Variants in NRG2 observed in about 807,000 individuals in gnomAD.
The protein encoded by NRG2 is neuregulin 2, also known as pro-neuregulin-2, membrane-bound isoform.
NRG2 carries 27 observed loss-of-function variants against 73.9 expected under a neutral mutation model. The ratio of observed to expected loss-of-function variants is 0.37; its 90% CI spans 0.27 to 0.50. NRG2 has a LOEUF of 0.50. NRG2 is among the 20% of genes least tolerant of loss of function. The pLI, the probability that NRG2 is intolerant of heterozygous loss-of-function variation, is 0.96. For missense variants in NRG2, 1,126 were observed against 1,210.1 expected (o/e 0.93, Z 1.03); for synonymous variants, 532 against 541.0 (o/e 0.98, Z 0.23).
intron 1 of NRG2, among the ~76,000 whole-genome samples, chr5:140,023,052 T>C (rs368625730): frequency 9.9e-5 from 15 of 152,188 alleles, no homozygotes; most frequent in Non-Finnish European, 1.6e-4. Flanking sequence ...AACCCCCTCA[T>C]TGATCTCCAG....
At chr5:139,871,679 A>G in intron 4 of NRG2, 42 bp downstream of exon 4, 1 of 1,611,198 alleles carries the variant, frequency 6.2e-7, no homozygotes, top group Non-Finnish European at 8.5e-7. Context: ...AGCATCTCCT[A>G]CCCTGTTCTT....
intron 1 of NRG2, among the ~76,000 whole-genome samples, chr5:139,977,460 T>C (rs1405340732): frequency 6.6e-6 from 1 of 152,132 alleles, no homozygotes; most frequent in East Asian, 1.9e-4. Flanking sequence ...GACAATGGGA[T>C]TGGCAGGCGT....
intron 1 of NRG2, among the ~76,000 whole-genome samples, chr5:140,002,337 G>C (rs995477129): frequency 6.6e-6 from 1 of 152,148 alleles, no homozygotes; most frequent in African/African-American, 2.4e-5. Context: ...ATAATGATAA[G>C]AGCTGAGGTG....
chr5:139,935,673 A>C (rs1364076130), intron 1 of NRG2, among the ~76,000 whole-genome samples: 1 of 152,184 alleles, frequency 6.6e-6, no homozygotes, highest in African/African-American at 2.4e-5. Flanking sequence ...TCAAATGAAA[A>C]TAAAGGCTGG....
intron 5 of NRG2, among the ~76,000 whole-genome samples, chr5:139,864,168 TG>T (rs1407476609): frequency 2.0e-5 from 3 of 151,962 alleles, no homozygotes; most frequent in Non-Finnish European, 4.4e-5. Context: ...CTCTGCAGGA[TG>T]GGATGGGTAA....
At chr5:139,848,779 G>GGGGGGTC in intron 9 of NRG2, 82 bp from the exon 10 acceptor site, 1 of 198,602 alleles carries the variant, frequency 5.0e-6, no homozygotes, top group East Asian at 2.0e-4. Context: ...GGTAGGGTGG[G>GGGGGGTC]AGGGGCGGAC....
chr5:139,982,809 C>G (rs1380697021), intron 1 of NRG2, among the ~76,000 whole-genome samples: 4 of 152,214 alleles, frequency 2.6e-5, no homozygotes, highest in Non-Finnish European at 4.4e-5. Flanking sequence ...GTGTCGTACT[C>G]TTAGCTGGCT....
Position 139,871,788 on chromosome 5 carries a change from C to G in NRG2, c.1045G>C (p.Ala349Pro). Reference sequence around the variant, plus strand: ...CCTCCATTGACGCAATAGGACTTGGCTGTCTCGTTGCACTTCCGGGCGTGC... The same window carrying G: ...CCTCCATTGACGCAATAGGACTTGGGTGTCTCGTTGCACTTCCGGGCGTGC... ...SGHARKCNET[A>P]KSYCVNGGVC... is the part of the protein sequence containing the mutation. The change falls in exon 4 of 10, where the codon GCC becomes CCC. Residue 349 changes from alanine (A) to proline (P), a missense_variant. Ala to Pro is a conservative substitution (Grantham distance 27). This residue lies in a region of NRG2 where 539 missense variants were observed against 703.2 expected (regional missense o/e 0.77). Transcript: ENST00000361474. 1 of 1,614,146 alleles carries G rather than the reference C, an allele frequency of 6.2e-7. No homozygotes were observed. The highest frequency in any genetic ancestry group is 8.5e-7 in the Non-Finnish European group (1 of 1,180,012).
In NRG2 at chr5:139,848,369, G is replaced by A; in HGVS notation, c.2101C>T (p.Pro701Ser). ...CALGGSLGSL[P>S]ASPFRIPEDD... ...TCGGGGATGCGGAAGGGGCTGGCAG[G>A]CAGGCTGCCCAGGCTGCCGCCGAGC... Residue 701 changes from proline (P) to serine (S), a missense_variant, in exon 10 of 10, where the codon CCT (proline) becomes TCT (serine). Coordinates refer to ENST00000361474, the MANE Select transcript of NRG2 (RefSeq NM_004883.3). 2 of 1,239,952 alleles carry A rather than the reference G, an allele frequency of 1.6e-6. No homozygotes were observed. Among genetic ancestry groups the A allele is most frequent in the Non-Finnish European group, 2.0e-6 (2 of 996,916 alleles). 76.8% of individuals were successfully genotyped at this position (1,239,952 alleles called of 1,614,324 possible). A position where few individuals can be genotyped will look rare whatever the true frequency, so the allele number is the denominator to read the frequency against.
chr5:140,012,997 T>C (rs1488843482), intron 1 of NRG2, among the ~76,000 whole-genome samples: 1 of 152,162 alleles, frequency 6.6e-6, no homozygotes, highest in African/African-American at 2.4e-5. Flanking sequence ...TGTACCTCCC[T>C]AGTTTATTCT....
intron 1 of NRG2, among the ~76,000 whole-genome samples, chr5:139,998,272 T>G (rs1223016142): frequency 6.6e-6 from 1 of 152,000 alleles, no homozygotes; most frequent in African/African-American, 2.4e-5. Context: ...ATGCCAATAC[T>G]CCCCACAGAA....
chr5:139,977,318 G>T (rs890904760), intron 1 of NRG2, among the ~76,000 whole-genome samples: 2 of 152,092 alleles, frequency 1.3e-5, no homozygotes, highest in Non-Finnish European at 2.9e-5. Flanking sequence ...CTATAGAGGG[G>T]AATGATTATG....
chr5:139,879,724 C>G (rs1233308459), intron 3 of NRG2, among the ~76,000 whole-genome samples: 1 of 152,086 alleles, frequency 6.6e-6, no homozygotes, highest in Admixed American at 6.5e-5. Flanking sequence ...GGGATGAAAC[C>G]CAAGCCAGGG....
In NRG2 at chr5:139,847,986, G is replaced by T; in HGVS notation, c.2484C>A (p.Ser828Arg). Residue 828 changes from serine to arginine, a missense_variant, in exon 10 of 10, where the codon AGC becomes AGA. Physicochemically the swap from Ser to Arg is moderately radical, Grantham distance 110 (BLOSUM62 -1). This residue lies in a region of NRG2 where 402 missense variants were observed against 357.8 expected (regional missense o/e 1.12). Transcript: ENST00000361474. Reference protein sequence around the residue: ...SRTYYSLDSHSTRASSRHSRG... With the variant: ...SRTYYSLDSHRTRASSRHSRG... ...GGCTGTGTCTGCTGCTGGCCCGCGT[G>T]CTGTGGCTGTCCAGTGAGTAGTAAG... The T allele has an allele frequency of 6.6e-7, 1 of 1,513,990 alleles. No homozygotes were observed. 93.8% of individuals were successfully genotyped at this position (1,513,990 alleles called of 1,614,324 possible).
intron 2 of NRG2, 53 bp from the exon 3 acceptor site, chr5:139,881,027 G>T: frequency 1.3e-6 from 2 of 1,497,882 alleles, no homozygotes; most frequent in Non-Finnish European, 1.9e-6. Flanking sequence ...GCCGGCTGTG[G>T]CTCCCCAGCA....
intron 1 of NRG2, among the ~76,000 whole-genome samples, chr5:139,967,882 C>A (rs1375940222): frequency 2.0e-5 from 3 of 152,024 alleles, no homozygotes; most frequent in East Asian, 3.9e-4. Flanking sequence ...TCCCTTGAAT[C>A]TGGGAGGCAG....
At chr5:139,976,757 C>A (rs982225848) in intron 1 of NRG2, among the ~76,000 whole-genome samples, 1 of 152,212 alleles carries the variant, frequency 6.6e-6, no homozygotes, top group African/African-American at 2.4e-5. Context: ...AAAGCTTAGA[C>A]CCTAGGGGTA....
intron 1 of NRG2, among the ~76,000 whole-genome samples, chr5:140,016,887 T>A (rs1399284095): frequency 3.3e-5 from 5 of 152,296 alleles, no homozygotes; most frequent in Middle Eastern, 3.4e-3. Context: ...GGGGCAGAGA[T>A]GTTGCTGATG....
chr5:139,849,708 G>A (rs1468098033), intron 9 of NRG2, among the ~76,000 whole-genome samples: 1 of 151,870 alleles, frequency 6.6e-6, no homozygotes, highest in Non-Finnish European at 1.5e-5. Flanking sequence ...TTTCTGAATC[G>A]CCTGACTCCT....
Sources: allele counts gnomAD v4.1 joint callset (sites outside exome capture counted in the v4.1 genomes callset), GRCh38; gene constraint gnomAD v4.1.1; regional missense constraint gnomAD v4.1.1; transcripts MANE v1.5; gene names NCBI Gene and HGNC (gene_info 2026-07-23, HGNC 2026-07-21).